FRS2: variants seen among roughly 807,000 people sequenced by gnomAD.
The protein encoded by FRS2 is FGFR signalling adaptor.
FRS2 carries 8 observed loss-of-function variants against 43.9 expected under a neutral mutation model. That is an observed-to-expected ratio of 0.18 (90% CI 0.11 to 0.33). The LOEUF (loss-of-function observed/expected upper bound fraction) is 0.33. Ranked by LOEUF, FRS2 falls within the 10% of genes least tolerant of loss-of-function variation. FRS2 has a pLI of 1.00. For missense variants in FRS2, 534 were observed against 627.6 expected (o/e 0.85, Z 1.59); for synonymous variants, 219 against 220.3 (o/e 0.99, Z 0.05).
intron 3 of FRS2, among the ~76,000 whole-genome samples, chr12:69,552,936 A>T (rs1160271828): frequency 3.3e-5 from 5 of 152,130 alleles, no homozygotes; most frequent in African/African-American, 1.2e-4. Context: ...ATAAATGTTT[A>T]TTAAGTGGTG....
chr12:69,531,167 T>C (rs1360428541), intron 2 of FRS2, among the ~76,000 whole-genome samples: 1 of 151,958 alleles, frequency 6.6e-6, no homozygotes. Context: ...CTGTCTCTGC[T>C]AAAAATATAA....
At chr12:69,557,799 G>A (rs1475457513) in intron 3 of FRS2, 1 of 152,070 alleles carries the variant, frequency 6.6e-6, no homozygotes. Flanking sequence ...TCTTCCTATA[G>A]ATACGTACCA....
At chr12:69,516,332 C>T (rs1452611099) in intron 1 of FRS2, among the ~76,000 whole-genome samples, 1 of 152,028 alleles carries the variant, frequency 6.6e-6, no homozygotes, top group Non-Finnish European at 1.5e-5. Context: ...CATTCTCCCG[C>T]CTCAGCCTCC....
chr12:69,532,252 A>G (rs968701731), intron 3 of FRS2, among the ~76,000 whole-genome samples, 196 bp downstream of exon 3: 1 of 152,198 alleles, frequency 6.6e-6, no homozygotes, highest in African/African-American at 2.4e-5. Context: ...TGAATTTAGG[A>G]TAAAAGGGAA....
At position 69,574,676 on chromosome 12, in the gene FRS2, A is replaced by G; in HGVS notation, c.1248A>G (p.Thr416=). ...AATATTCAAGGCGTCGGGACTGTAC[A>G]CCAACAGTCTTTAACTTTGATATCA... ...KIEYSRRRDC[T]PTVFNFDIRR... Residue 416 remains threonine (T), a synonymous_variant, in exon 9 of 9, where the codon ACA becomes ACG. Coordinates refer to ENST00000549921, the MANE Select transcript of FRS2 (RefSeq NM_001278356.2). The G allele has an allele frequency of 5.0e-6, 8 of 1,614,120 alleles. No homozygotes were observed. Among genetic ancestry groups the G allele is most frequent in the Non-Finnish European group, 6.8e-6 (8 of 1,179,950 alleles).
intron 1 of FRS2, among the ~76,000 whole-genome samples, chr12:69,491,983 T>C (rs1336768607): frequency 2.0e-5 from 3 of 152,198 alleles, no homozygotes; most frequent in African/African-American, 4.8e-5. Flanking sequence ...TTTTATAAGG[T>C]ACTCTGCAAA....
At chr12:69,495,538 G>A (rs1872800478) in intron 1 of FRS2, among the ~76,000 whole-genome samples, 1 of 152,172 alleles carries the variant, frequency 6.6e-6, no homozygotes, top group Non-Finnish European at 1.5e-5. Context: ...GATAAACACA[G>A]TCTAGATCGT....
At chr12:69,569,981 G>A (rs766789242) in intron 5 of FRS2, among the ~76,000 whole-genome samples, 15 of 152,070 alleles carry the variant, frequency 9.9e-5, no homozygotes, top group South Asian at 2.1e-4. Flanking sequence ...TATTTTCTGC[G>A]TAAATTTATT....
rs149094242 is a variant in FRS2, at chr12:69,509,301, G to C, written c.-260-21564G>C. 6.8e-3 allele frequency among the ~76,000 whole-genome samples: 1,036 copies of C among 152,240 alleles called. 10 individuals are homozygous for C. Among genetic ancestry groups the C allele is most frequent in the African/African-American group, 0.023 (974 of 41,530 alleles). On this transcript the variant is annotated intron_variant, in intron 1 of 8. Transcript: ENST00000549921. Reference sequence around the variant, plus strand: ...GGGATAGGGAGAAGATTGGTTTTCAGGGGGAGGCCACTTATAAGAATTTTC... The same window carrying C: ...GGGATAGGGAGAAGATTGGTTTTCACGGGGAGGCCACTTATAAGAATTTTC...
intron 1 of FRS2, among the ~76,000 whole-genome samples, chr12:69,516,479 A>C (rs973418170): frequency 5.3e-5 from 8 of 152,086 alleles, no homozygotes; most frequent in Admixed American, 1.3e-4. Flanking sequence ...CAGCCTCCCA[A>C]AGTGCTGGGA....
chr12:69,521,196 T>A (rs1875607125), intron 1 of FRS2, among the ~76,000 whole-genome samples: 1 of 152,210 alleles, frequency 6.6e-6, no homozygotes, highest in Non-Finnish European at 1.5e-5. Flanking sequence ...CTGATTTGGC[T>A]CTTAGCATGG....
In FRS2 at chr12:69,579,245, A is replaced by G. The variant is rs1039211960; in HGVS notation, c.*4290A>G. On this transcript the variant is annotated 3_prime_UTR_variant, in exon 9 of 9. Transcript: ENST00000549921. The stretch of plus-strand genomic sequence containing the variant: ...CGATTGCCCTCTAGTTGTCCTTTGC[A>G]TATGACTGTTTTTTGCCATATAAGC... The G allele has an allele frequency of 3.9e-5, 6 of 152,650 alleles. No individual in the cohort carries two copies. The highest frequency in any genetic ancestry group is 1.4e-4 in the African/African-American group (6 of 41,460). 9.5% of individuals were successfully genotyped at this position (152,650 alleles called of 1,614,324 possible). A position where few individuals can be genotyped will look rare whatever the true frequency, so the allele number is the denominator to read the frequency against.
chr12:69,497,736 G>A (rs967939175), intron 1 of FRS2, among the ~76,000 whole-genome samples: 6 of 152,224 alleles, frequency 3.9e-5, no homozygotes, highest in Admixed American at 3.3e-4. Flanking sequence ...AGAGGGAAAA[G>A]CAAGTGTAAA....
At position 69,506,369 on chromosome 12, in the gene FRS2, A is replaced by G. The variant is rs563163773; in HGVS notation, c.-260-24496A>G. Among the ~76,000 whole-genome samples the G allele has an allele frequency of 2.4e-4, 37 of 152,240 alleles. 1 individual carries two copies. The highest frequency in any genetic ancestry group is 4.6e-4 in the Admixed American group (7 of 15,298). On this transcript the variant is annotated intron_variant, in intron 1 of 8. Coordinates refer to ENST00000549921, the MANE Select transcript of FRS2 (RefSeq NM_001278356.2). The stretch of plus-strand genomic sequence containing the variant: ...TAATTGGTTTGATCCTGGATCCTTC[A>G]TAAGCTATAATTACTTTTAGTAGTC...
At chr12:69,487,461 G>T (rs1036855157) in intron 1 of FRS2, among the ~76,000 whole-genome samples, 1 of 152,122 alleles carries the variant, frequency 6.6e-6, no homozygotes, top group Non-Finnish European at 1.5e-5. Flanking sequence ...TTTACAGCAT[G>T]GTTTATTGAA....
chr12:69,560,986 TGGAATGA>T (rs1404808211), intron 3 of FRS2, among the ~76,000 whole-genome samples: 3 of 152,110 alleles, frequency 2.0e-5, no homozygotes, highest in Non-Finnish European at 4.4e-5. Context: ...TGCTTATAAG[TGGAATGA>T]AGAATGAGAG....
Position 69,572,338 on chromosome 12 carries a change from T to A in FRS2, c.576+57T>A, listed in dbSNP as rs192394152. ...TGATTGTTCAGAGTTAGGGTATCAC[T>A]GTGCTAATACTGGAAGATTTTATTC... is the stretch of plus-strand genomic sequence containing the variant. On this transcript the variant is annotated intron_variant, in intron 8 of 8. Transcript: ENST00000549921. The A allele has an allele frequency of 6.9e-5, 92 of 1,336,654 alleles. No homozygotes were observed. The African/African-American group carries it at 9.5e-4, about 14-fold the overall frequency. The allele number at this position is 1,336,654 out of a possible 1,614,324, so 82.8% of individuals were successfully genotyped here. A position where few individuals can be genotyped will look rare whatever the true frequency, so the allele number is the denominator to read the frequency against.
intron 3 of FRS2, among the ~76,000 whole-genome samples, chr12:69,549,291 A>C (rs75813959): frequency 6.9e-4 from 105 of 152,284 alleles, no homozygotes; most frequent in Middle Eastern, 3.4e-3. Context: ...AATTAATTGA[A>C]TATAATATTT....
At chr12:69,545,234 A>G (rs952582422) in intron 3 of FRS2, among the ~76,000 whole-genome samples, 1 of 152,206 alleles carries the variant, frequency 6.6e-6, no homozygotes, top group African/African-American at 2.4e-5. Flanking sequence ...GAATCATGCC[A>G]TTCCTATCAA....
Sources: allele counts gnomAD v4.1 joint callset (sites outside exome capture counted in the v4.1 genomes callset), GRCh38; gene constraint gnomAD v4.1.1; transcripts MANE v1.5; gene names NCBI Gene and HGNC (gene_info 2026-07-23, HGNC 2026-07-21).